Variants in RBFOX3 observed in about 807,000 individuals in gnomAD.
RBFOX3 encodes the protein RNA binding fox-1 homolog 3, also known as RNA binding protein fox-1 homolog 3.
A neutral mutation model predicts 48.7 loss-of-function variants in RBFOX3; 17 were observed. The observed-to-expected ratio is 0.35, with a 90% CI of 0.24 to 0.52. The LOEUF is 0.52. Among genes scored for constraint, RBFOX3 ranks in the 20% least tolerant of loss-of-function variants. The pLI is 0.94. For synonymous variants in RBFOX3, 212 were observed against 209.5 expected (o/e 1.01, Z -0.10); for missense variants, 382 against 497.5 (o/e 0.77, Z 2.21).
rs1020104185 is a variant in RBFOX3, at chr17:79,568,621, G to A, written c.-320+42205C>T. 1.1e-4 allele frequency among the ~76,000 whole-genome samples: 16 copies of A among 152,218 alleles called. No homozygotes were observed. In the East Asian group the frequency reaches 3.1e-3, roughly 29 times the overall value. On this transcript the variant is annotated intron_variant, in intron 1 of 14. Coordinates refer to ENST00000693108, the MANE Select transcript of RBFOX3 (RefSeq NM_001350451.2). ...CTTCAATGTTTCTCCAGTGCTGGGG[G>A]CCACCCACCCACAGCACCCTCGATA...
intron 3 of RBFOX3, among the ~76,000 whole-genome samples, chr17:79,285,700 T>C (rs2144640132): frequency 8.6e-6 from 1 of 116,488 alleles, no homozygotes. Context: ...TTTTGTTTTT[T>C]TGAGATGGAG....
At chr17:79,095,283 CTCCACCTGGGGTT>C (rs2074981845) in intron 13 of RBFOX3, among the ~76,000 whole-genome samples, 1 of 152,216 alleles carries the variant, frequency 6.6e-6, no homozygotes, top group African/African-American at 2.4e-5. Flanking sequence ...GAGATGCGGT[CTCCACCTGGGGTT>C]TCCACAGCCT....
the RBFOX3 span, among the ~76,000 whole-genome samples, chr17:79,616,608 C>T: frequency 6.6e-6 from 1 of 150,774 alleles, no homozygotes; most frequent in African/African-American, 2.4e-5. Flanking sequence ...CACACACACA[C>T]GTGTTACTAC....
chr17:79,532,202 G>A (rs939817120), intron 1 of RBFOX3, among the ~76,000 whole-genome samples: 2 of 152,144 alleles, frequency 1.3e-5, no homozygotes, highest in African/African-American at 2.4e-5. Context: ...GCACTGGAGG[G>A]GGGAGGGGAG....
intron 4 of RBFOX3, among the ~76,000 whole-genome samples, chr17:79,143,155 G>T (rs6501284): frequency 0.48 from 72,922 of 151,980 alleles, 18,922 homozygotes; most frequent in Non-Finnish European, 0.59. Flanking sequence ...CACAAGAAGG[G>T]GGGTCCCTGT....
At chr17:79,185,724 T>C (rs577229158) in intron 4 of RBFOX3, among the ~76,000 whole-genome samples, 1 of 152,204 alleles carries the variant, frequency 6.6e-6, no homozygotes, top group Non-Finnish European at 1.5e-5. Context: ...TCCTGTGGAA[T>C]CCAAGCCTCA....
chr17:79,520,323 G>A (rs1161686929), intron 1 of RBFOX3, among the ~76,000 whole-genome samples: 43 of 152,346 alleles, frequency 2.8e-4, no homozygotes, highest in African/African-American at 9.9e-4. Context: ...GACTGGGGAC[G>A]TGCAGGGCAG....
intron 1 of RBFOX3, among the ~76,000 whole-genome samples, chr17:79,499,776 G>C (rs1383323065): frequency 6.6e-6 from 1 of 152,186 alleles, no homozygotes; most frequent in African/African-American, 2.4e-5. Context: ...CTGGTGGCAG[G>C]TACATAGTTA....
chr17:79,546,421 C>G (rs1339335547), intron 1 of RBFOX3, among the ~76,000 whole-genome samples: 1 of 152,194 alleles, frequency 6.6e-6, no homozygotes, highest in East Asian at 1.9e-4. Flanking sequence ...AAGCACAGAG[C>G]CCTATCTGCT....
Position 79,103,141 on chromosome 17 carries a change from G to A in RBFOX3, c.507+21C>T, listed in dbSNP as rs1440500279. The A allele has an allele frequency of 3.3e-6, 5 of 1,533,900 alleles. No individual in the cohort carries two copies. The highest frequency in any genetic ancestry group is 2.7e-5 in the African/African-American group (2 of 72,752). On this transcript the variant is annotated intron_variant, in intron 8 of 14. Transcript: ENST00000693108. The surrounding 1 kb of genome is among the most constrained non-coding windows in gnomAD (Gnocchi z 6.1). Reference sequence around the variant, plus strand: ...TGGGCGATCTTGGGGCATCCCTGCCGCAGCACACTTATCTGAGCACCTCAA... The same window carrying A: ...TGGGCGATCTTGGGGCATCCCTGCCACAGCACACTTATCTGAGCACCTCAA...
chr17:79,204,756 A>C lies in RBFOX3; in HGVS notation c.-34+31010T>G, dbSNP rs138771788. Among the ~76,000 whole-genome samples the C allele has an allele frequency of 7.7e-4, 118 of 152,300 alleles. 1 individual carries two copies. Among genetic ancestry groups the C allele is most frequent in the Middle Eastern group, 3.4e-3 (1 of 294 alleles). On this transcript the variant is annotated intron_variant, in intron 4 of 14. Transcript: ENST00000693108. This position sits in a 1 kb window ranked among gnomAD's most constrained non-coding sequence, Gnocchi z 4.5. Reference sequence around the variant, plus strand: ...GATGCTGCCACTAACTGGGCTCCTTAGTATCAGTGAGGATGAGAAGATTCT... The same window carrying C: ...GATGCTGCCACTAACTGGGCTCCTTCGTATCAGTGAGGATGAGAAGATTCT...
At chr17:79,640,951 T>C in the RBFOX3 span, among the ~76,000 whole-genome samples, 2 of 152,148 alleles carry the variant, frequency 1.3e-5, no homozygotes, top group East Asian at 3.9e-4. Flanking sequence ...TAAAAATAAG[T>C]GAGATTGCAT....
chr17:79,538,865 C>T (rs1201850201), intron 1 of RBFOX3, among the ~76,000 whole-genome samples: 2 of 152,108 alleles, frequency 1.3e-5, no homozygotes, highest in African/African-American at 4.8e-5. Flanking sequence ...GGGTATGGCC[C>T]ATATGTAAAG....
At chr17:79,109,953 G>A (rs1044699219) in intron 5 of RBFOX3, among the ~76,000 whole-genome samples, 3 of 152,106 alleles carry the variant, frequency 2.0e-5, no homozygotes, top group South Asian at 2.1e-4. Context: ...GCTCAGCCCC[G>A]GGCAGAGGCT....
intron 1 of RBFOX3, among the ~76,000 whole-genome samples, chr17:79,538,036 C>G (rs1203722108): frequency 2.6e-5 from 4 of 152,204 alleles, no homozygotes; most frequent in African/African-American, 4.8e-5. Context: ...CCTCCGTACT[C>G]AGGACTCTGG....
chr17:79,141,080 G>T (rs2041822036), intron 4 of RBFOX3, among the ~76,000 whole-genome samples: 1 of 152,372 alleles, frequency 6.6e-6, no homozygotes, highest in African/African-American at 2.4e-5. Flanking sequence ...GGGCCCAGCA[G>T]GGTGGCAGCT....
At chr17:79,282,147 G>C (rs1056558594) in intron 3 of RBFOX3, among the ~76,000 whole-genome samples, 2 of 152,294 alleles carry the variant, frequency 1.3e-5, no homozygotes, top group African/African-American at 2.4e-5. Flanking sequence ...AGTTCTGGAG[G>C]GGGGCTTGGC....
At chr17:79,521,303 C>T in intron 1 of RBFOX3, among the ~76,000 whole-genome samples, 1 of 150,844 alleles carries the variant, frequency 6.6e-6, no homozygotes, top group Non-Finnish European at 1.5e-5. Context: ...CTCACAGATA[C>T]ACACACATGC....
At chr17:79,126,089 T>C (rs1385241165) in intron 4 of RBFOX3, among the ~76,000 whole-genome samples, 2 of 152,160 alleles carry the variant, frequency 1.3e-5, no homozygotes, top group African/African-American at 2.4e-5. Flanking sequence ...CAGCTATGTG[T>C]TCCGTGAGCA....
Sources: allele counts gnomAD v4.1 joint callset (sites outside exome capture counted in the v4.1 genomes callset), GRCh38; gene constraint gnomAD v4.1.1; non-coding constraint Gnocchi (gnomAD v3.1); transcripts MANE v1.5; gene names NCBI Gene and HGNC (gene_info 2026-07-23, HGNC 2026-07-21).